The following DIDO1 variants were observed in gnomAD, a reference collection of about 807,000 sequenced individuals.
The protein encoded by DIDO1 is death inducer-obliterator 1, also known as death-inducer obliterator 1.
Under a neutral mutation model 99.4 loss-of-function variants are expected in DIDO1, and 16 were observed. That is an observed-to-expected ratio of 0.16 (90% CI 0.11 to 0.24). The LOEUF is 0.24. DIDO1 is among the 10% of genes least tolerant of loss of function. The pLI, the probability that DIDO1 is intolerant of heterozygous loss-of-function variation, is 1.00. For missense variants in DIDO1, 2,996 were observed against 3,014.0 expected (o/e 0.99, Z 0.14); for synonymous variants, 1,366 against 1,239.1 (o/e 1.10, Z -2.15).
At chr20:62,898,421 GTAC>G (rs1196135468) in intron 6 of DIDO1, among the ~76,000 whole-genome samples, 1 of 152,204 alleles carries the variant, frequency 6.6e-6, no homozygotes, top group East Asian at 1.9e-4. Flanking sequence ...ACTTGCAACA[GTAC>G]TACATGGATC....
chr20:62,937,472 G>A (rs577282358), intron 1 of DIDO1, among the ~76,000 whole-genome samples: 1 of 152,336 alleles, frequency 6.6e-6, no homozygotes, highest in Non-Finnish European at 1.5e-5. Context: ...CGCCCTGGCC[G>A]CGTCCCGCCC....
chr20:62,932,214 C>T, intron 1 of DIDO1, among the ~76,000 whole-genome samples: 1 of 152,326 alleles, frequency 6.6e-6, no homozygotes, highest in African/African-American at 2.4e-5. Context: ...AATGTAGGGC[C>T]AGGCACGGTG....
chr20:62,899,443 T>C (rs529228893), intron 6 of DIDO1, among the ~76,000 whole-genome samples: 1 of 152,296 alleles, frequency 6.6e-6, no homozygotes, highest in South Asian at 2.1e-4. Flanking sequence ...ATCGTAAGTG[T>C]TGGAATGAGG....
chr20:62,936,795 C>T (rs1205078606), intron 1 of DIDO1, among the ~76,000 whole-genome samples: 9 of 152,180 alleles, frequency 5.9e-5, no homozygotes, highest in Admixed American at 5.9e-4. Context: ...ACCCGGGAGG[C>T]GGAGGTTGCA....
rs111682480 is a variant in DIDO1, at chr20:62,911,593, G to A, written c.20C>T (p.Pro7Leu). Residue 7 changes from proline to leucine, a missense_variant, in exon 3 of 16, where the codon CCG becomes CTG. This residue lies in a region of DIDO1 where 388 missense variants were observed against 376.6 expected (regional missense o/e 1.03). Transcript: ENST00000395343. The surrounding 1 kb of genome is among the most constrained non-coding windows in gnomAD (Gnocchi z 7.0). ...GGCCTTAGGTGCCTCCTCATTGCTCGGGTCGCCTTTGTCGTCCATACCTAG... is the reference window on the plus strand; with the variant it reads ...GGCCTTAGGTGCCTCCTCATTGCTCAGGTCGCCTTTGTCGTCCATACCTAG... MDDKGD[P>L]SNEEAPKAIK... is the part of the protein sequence containing the mutation. 1,844 of 1,586,812 alleles carry A rather than the reference G, an allele frequency of 1.2e-3. 3 individuals are homozygous for A. Among genetic ancestry groups the A allele is most frequent in the Non-Finnish European group, 1.5e-3 (1,691 of 1,164,376 alleles).
chr20:62,916,322 T>C (rs1350785786), intron 1 of DIDO1, among the ~76,000 whole-genome samples: 1 of 152,096 alleles, frequency 6.6e-6, no homozygotes, highest in Admixed American at 6.5e-5. Context: ...AAGCACATTT[T>C]TTTCCCCAGC....
intron 15 of DIDO1, among the ~76,000 whole-genome samples, chr20:62,884,505 A>C (rs999213510): frequency 6.6e-6 from 1 of 152,380 alleles, no homozygotes; most frequent in Non-Finnish European, 1.5e-5. Context: ...TCTTCCCCTT[A>C]CAGTGAAAAC....
intron 1 of DIDO1, among the ~76,000 whole-genome samples, chr20:62,921,903 C>A (rs1273747331): frequency 6.7e-6 from 1 of 148,372 alleles, no homozygotes; most frequent in Non-Finnish European, 1.5e-5. Context: ...ATATATATAT[C>A]CACAATATAT....
At position 62,879,143 on chromosome 20, in the gene DIDO1, G is replaced by T; in HGVS notation, c.*90C>A. 2 of 1,210,780 alleles carry T rather than the reference G, an allele frequency of 1.7e-6. No homozygotes were observed. The highest frequency in any genetic ancestry group is 2.2e-6 in the Non-Finnish European group (2 of 912,464). 75.0% of individuals were successfully genotyped at this position (1,210,780 alleles called of 1,614,324 possible). On this transcript the variant is annotated 3_prime_UTR_variant, in exon 16 of 16. Coordinates refer to ENST00000395343, the MANE Select transcript of DIDO1 (RefSeq NM_001193369.2). This position sits in a 1 kb window ranked among gnomAD's most constrained non-coding sequence, Gnocchi z 6.3. The stretch of plus-strand genomic sequence containing the variant: ...GTTTAAGTCCAGAATATTCTATCCT[G>T]AATCTAAGATCGTGGCTATTTCAAA...
chr20:62,926,698 T>G (rs1436458412), upstream of DIDO1, among the ~76,000 whole-genome samples: 1 of 152,230 alleles, frequency 6.6e-6, no homozygotes, highest in Non-Finnish European at 1.5e-5. Context: ...GCATCCTTTG[T>G]GGACACCTTA....
Position 62,911,443 on chromosome 20 carries a change from AGCTGCT to A in DIDO1, c.164_169del (p.Gln55_Gln56del). On this transcript the variant is annotated inframe_deletion, in exon 3 of 16. Coordinates refer to ENST00000395343, the MANE Select transcript of DIDO1 (RefSeq NM_001193369.2). The surrounding 1 kb of genome is among the most constrained non-coding windows in gnomAD (Gnocchi z 7.0). ...CCCACTGCGCCGCAGGGACAGGCCC[AGCTGCT>A]GCTGTGGGGGTGGCGGCTCCAGTGG... is the stretch of plus-strand genomic sequence containing the variant. 6.2e-7 allele frequency: 1 copy of A among 1,612,254 alleles called. No individual in the cohort carries two copies. The highest frequency in any genetic ancestry group is 8.5e-7 in the Non-Finnish European group (1 of 1,179,184).
In DIDO1 at chr20:62,911,860, C is replaced by G. The variant is rs907680102; in HGVS notation, c.-2-246G>C. Among the ~76,000 whole-genome samples the G allele has an allele frequency of 8.5e-5, 13 of 152,204 alleles. No individual in the cohort carries two copies. The highest frequency in any genetic ancestry group is 1.8e-4 in the Non-Finnish European group (12 of 68,038). ...AAATACAGCTAACAAATCAAATGTACAATTTCATCATTTAACTGCTCAGGA... is the reference window on the plus strand; with the variant it reads ...AAATACAGCTAACAAATCAAATGTAGAATTTCATCATTTAACTGCTCAGGA... On this transcript the variant is annotated intron_variant, in intron 2 of 15. Coordinates refer to ENST00000395343, the MANE Select transcript of DIDO1 (RefSeq NM_001193369.2). The surrounding 1 kb of genome is among the most constrained non-coding windows in gnomAD (Gnocchi z 7.0).
At chr20:62,926,758 C>T (rs2065264259), upstream of DIDO1, among the ~76,000 whole-genome samples, 1 of 152,234 alleles carries the variant, frequency 6.6e-6, no homozygotes, top group Non-Finnish European at 1.5e-5. Context: ...TGCGGGGATC[C>T]CTCGGAACAG....
chr20:62,920,902 CTTTA>C lies in DIDO1; in HGVS notation c.-200+5533_-200+5536del, dbSNP rs749821180. On this transcript the variant is annotated intron_variant, in intron 1 of 15. Coordinates refer to ENST00000395343, the MANE Select transcript of DIDO1 (RefSeq NM_001193369.2). ...TAATATATAATGGTTTACAATTTTA[CTTTA>C]TTTATTTGAGATGGAGTCTCGCTCT... Among the ~76,000 whole-genome samples the C allele has an allele frequency of 9.2e-5, 14 of 152,194 alleles. No homozygotes were observed. The East Asian group carries it at 1.4e-3, about 15-fold the overall frequency.
In DIDO1 at chr20:62,881,261, G is replaced by T; in HGVS notation, c.4695C>A (p.Arg1565=). Residue 1565 remains arginine, a synonymous_variant, in exon 16 of 16, where the codon CGC becomes CGA. Transcript: ENST00000395343. This position sits in a 1 kb window ranked among gnomAD's most constrained non-coding sequence, Gnocchi z 8.3. Reference sequence around the variant, plus strand: ...CCCCCTCACCGGTCTCAGTGGCCAGGCGCCTCGCCTGCCGGGGGTCCCTGT... The same window carrying T: ...CCCCCTCACCGGTCTCAGTGGCCAGTCGCCTCGCCTGCCGGGGGTCCCTGT... ...SNHRDPRQAR[R]LATETGEGEG... 1 of 1,602,054 alleles carries T rather than the reference G, an allele frequency of 6.2e-7. No individual in the cohort carries two copies. The highest frequency in any genetic ancestry group is 1.1e-5 in the South Asian group (1 of 90,546).
At chr20:62,883,675 A>G (rs781124810) in intron 15 of DIDO1, among the ~76,000 whole-genome samples, 1 of 152,184 alleles carries the variant, frequency 6.6e-6, no homozygotes, top group Non-Finnish European at 1.5e-5. Context: ...AAATACAAAA[A>G]TTAACTGGGT....
At position 62,909,737 on chromosome 20, in the gene DIDO1, T is replaced by C; in HGVS notation, c.1123A>G (p.Asn375Asp). The C allele has an allele frequency of 6.2e-7, 1 of 1,614,046 alleles. No individual in the cohort carries two copies. The highest frequency in any genetic ancestry group is 8.5e-7 in the Non-Finnish European group (1 of 1,179,876). ...GIKGRIEKAA[N>D]PSGKKKLKIF... ...TTGAGTTTCTTCTTGCCACTTGGATTTGCAGCTTTCTCAATTCTACCCTTT... is the reference window on the plus strand; with the variant it reads ...TTGAGTTTCTTCTTGCCACTTGGATCTGCAGCTTTCTCAATTCTACCCTTT... Residue 375 changes from asparagine (N) to aspartate (D), a missense_variant, in exon 4 of 16, where the codon AAT (asparagine) becomes GAT (aspartate). This residue lies in a region of DIDO1 where 898 missense variants were observed against 972.7 expected (regional missense o/e 0.92). Coordinates refer to ENST00000395343, the MANE Select transcript of DIDO1 (RefSeq NM_001193369.2).
chr20:62,892,552 A>G (rs1365381592), intron 13 of DIDO1, among the ~76,000 whole-genome samples: 2 of 152,202 alleles, frequency 1.3e-5, no homozygotes, highest in East Asian at 3.8e-4. Flanking sequence ...TGCCCCAGCG[A>G]AACCGATCAC....
In DIDO1 at chr20:62,911,154, A is replaced by T. The variant is rs1195779331; in HGVS notation, c.459T>A (p.Asp153Glu). 6.2e-7 allele frequency: 1 copy of T among 1,613,964 alleles called. No individual in the cohort carries two copies. Among genetic ancestry groups the T allele is most frequent in the East Asian group, 2.2e-5 (1 of 44,864 alleles). ...TCAAGGTCAGGCCATCGCTGTCACT[A>T]TCGGAGGTGTCATCGTGGTCATCCC... ...KGGDDHDDTS[D>E]SDSDGLTLKE... The change falls in exon 3 of 16, where the codon GAT (aspartate) becomes GAA (glutamate). Residue 153 changes from aspartate (D) to glutamate (E), a missense_variant. Asp to Glu is a conservative substitution (Grantham distance 45). Around this residue, in one of 5 missense-constraint regions of DIDO1, gnomAD observed 388 missense variants for 376.6 expected, o/e 1.03. Coordinates refer to ENST00000395343, the MANE Select transcript of DIDO1 (RefSeq NM_001193369.2). The surrounding 1 kb of genome is among the most constrained non-coding windows in gnomAD (Gnocchi z 7.0).
Sources: allele counts gnomAD v4.1 joint callset (sites outside exome capture counted in the v4.1 genomes callset), GRCh38; gene constraint gnomAD v4.1.1; regional missense constraint gnomAD v4.1.1; non-coding constraint Gnocchi (gnomAD v3.1); transcripts MANE v1.5; gene names NCBI Gene and HGNC (gene_info 2026-07-23, HGNC 2026-07-21).